Variants in AMD1 observed in about 807,000 individuals in gnomAD.
The protein encoded by AMD1 is adenosylmethionine decarboxylase 1.
A neutral mutation model predicts 40.2 loss-of-function variants in AMD1; 11 were observed. That is an observed-to-expected ratio of 0.27 (90% CI 0.17 to 0.45). The LOEUF (loss-of-function observed/expected upper bound fraction) is 0.45, where lower values mean the gene tolerates loss of function less well. AMD1 is among the 20% of genes least tolerant of loss of function. The pLI, the probability that AMD1 is intolerant of heterozygous loss-of-function variation, is 1.00. For synonymous variants in AMD1, 121 were observed against 130.8 expected (o/e 0.93, Z 0.51); for missense variants, 257 against 410.2 (o/e 0.63, Z 3.23).
the AMD1 span, among the ~76,000 whole-genome samples, chr6:110,843,965 T>A: frequency 6.6e-6 from 1 of 152,214 alleles, no homozygotes; most frequent in Non-Finnish European, 1.5e-5. Context: ...TAAAATCAGC[T>A]GATTAGCATT....
At chr6:110,844,830 C>G in the AMD1 span, among the ~76,000 whole-genome samples, 1 of 151,742 alleles carries the variant, frequency 6.6e-6, no homozygotes, top group African/African-American at 2.4e-5. Context: ...ATACCTGAGG[C>G]TGGGTAATTT....
the AMD1 span, chr6:110,815,239 T>TCGCG: frequency 9.6e-6 from 11 of 1,148,834 alleles, no homozygotes; most frequent in African/African-American, 8.8e-5. Flanking sequence ...AACAGCCGCC[T>TCGCG]CTCGCGCGCG....
Position 110,875,146 on chromosome 6 carries a change from T to C in AMD1, c.41T>C (p.Leu14Pro). The C allele has an allele frequency of 6.2e-7, 1 of 1,613,580 alleles. No homozygotes were observed. ...AHFFEGTEKL[L>P]EVWFSRQQPD... ...TTTTTCGAAGGGACCGAGAAGCTGC[T>C]GGAGGTTTGGTTCTCCCGGCAGCAG... The change falls in exon 1 of 9, where the codon CTG (leucine) becomes CCG (proline). Residue 14 changes from leucine to proline, a missense_variant. This residue lies in a region of AMD1 where 57 missense variants were observed against 76.8 expected (regional missense o/e 0.74). Coordinates refer to ENST00000368885, the MANE Select transcript of AMD1 (RefSeq NM_001634.6).
chr6:110,873,004 C>T (rs1784945466), upstream of AMD1, among the ~76,000 whole-genome samples: 1 of 152,182 alleles, frequency 6.6e-6, no homozygotes, highest in Non-Finnish European at 1.5e-5. Flanking sequence ...AGAGTAACCA[C>T]ATTCTTTTAT....
At chr6:110,860,521 G>A in the AMD1 span, among the ~76,000 whole-genome samples, 1 of 151,740 alleles carries the variant, frequency 6.6e-6, no homozygotes, top group Non-Finnish European at 1.5e-5. Flanking sequence ...CACACATACT[G>A]GGCAAGGTGA....
In AMD1 at chr6:110,894,084, AC is replaced by A. The variant is rs1285700326; in HGVS notation, c.*469del. 15 of 153,720 alleles carry A rather than the reference AC, an allele frequency of 9.8e-5. No individual in the cohort carries two copies. The highest frequency in any genetic ancestry group is 3.4e-4 in the African/African-American group (14 of 41,460). The allele number at this position is 153,720 out of a possible 1,614,324, so 9.5% of individuals were successfully genotyped here. A position where few individuals can be genotyped will look rare whatever the true frequency, so the allele number is the denominator to read the frequency against. ...CATCCAGTTACCTCCACTTTCTAGA[AC>A]ATATTCTTTACTAATGTTATTGAAA... On this transcript the variant is annotated 3_prime_UTR_variant, in exon 9 of 9. Transcript: ENST00000368885.
chr6:110,821,312 A>G, the AMD1 span, among the ~76,000 whole-genome samples: 1 of 152,164 alleles, frequency 6.6e-6, no homozygotes, highest in African/African-American at 2.4e-5. Flanking sequence ...AAACACACTG[A>G]GACAAGCCGG....
At chr6:110,889,414 A>G (rs1785883062) in intron 3 of AMD1, 1 of 152,460 alleles carries the variant, frequency 6.6e-6, no homozygotes, top group Non-Finnish European at 1.5e-5. Flanking sequence ...CTAGGGTATA[A>G]TTTTCTGATT....
At chr6:110,890,084 C>T (rs1785928960) in intron 3 of AMD1, 170 bp from the exon 4 acceptor site, 1 of 528,216 alleles carries the variant, frequency 1.9e-6, no homozygotes, top group Non-Finnish European at 3.3e-6. Context: ...GATCCTCCTG[C>T]CTCCTAATAG....
the AMD1 span, among the ~76,000 whole-genome samples, chr6:110,816,487 A>G: frequency 3.8e-4 from 58 of 152,338 alleles, no homozygotes; most frequent in African/African-American, 1.3e-3. Flanking sequence ...TTAGCAAAAT[A>G]AATTAAGATC....
the AMD1 span, among the ~76,000 whole-genome samples, chr6:110,827,780 A>C: frequency 5.9e-5 from 9 of 151,886 alleles, no homozygotes; most frequent in South Asian, 2.1e-4. Context: ...AAAAAAAAAA[A>C]AACACTACGA....
rs1332286252 is a variant in AMD1, at chr6:110,892,750, G to C, written c.631G>C (p.Asp211His). The change falls in exon 7 of 9, where the codon GAC becomes CAC. Residue 211 changes from aspartate (D) to histidine (H), a missense_variant. This residue lies in a region of AMD1 where 192 missense variants were observed against 296.5 expected (regional missense o/e 0.65). Coordinates refer to ENST00000368885, the MANE Select transcript of AMD1 (RefSeq NM_001634.6). The stretch of plus-strand genomic sequence containing the variant: ...CCCCCCCCAGGAGAGTGGAATTCGT[G>C]ACCTGATACCAGGTTCTGTCATTGA... ...KDVTRESGIR[D>H]LIPGSVIDAT... 1 of 1,612,886 alleles carries C rather than the reference G, an allele frequency of 6.2e-7. No homozygotes were observed. The highest frequency in any genetic ancestry group is 8.5e-7 in the Non-Finnish European group (1 of 1,179,596).
chr6:110,857,650 T>TAC, the AMD1 span, among the ~76,000 whole-genome samples: 3 of 133,326 alleles, frequency 2.3e-5, no homozygotes, highest in Non-Finnish European at 3.3e-5. Context: ...TATATATATA[T>TAC]AGATGGTATA....
intron 3 of AMD1, chr6:110,889,546 T>A (rs539136021): frequency 6.6e-6 from 1 of 152,426 alleles, no homozygotes; most frequent in Admixed American, 6.5e-5. Context: ...CAGGTTCAAG[T>A]GATTCTCCTG....
chr6:110,849,157 A>G, the AMD1 span, among the ~76,000 whole-genome samples: 1 of 152,222 alleles, frequency 6.6e-6, no homozygotes, highest in Non-Finnish European at 1.5e-5. Context: ...TTTTATCTTG[A>G]GAACATGGTA....
the AMD1 span, among the ~76,000 whole-genome samples, chr6:110,868,776 C>T: frequency 6.6e-6 from 1 of 152,174 alleles, no homozygotes; most frequent in South Asian, 2.1e-4. Flanking sequence ...TAATTCAAGG[C>T]CAGGCGCGGT....
chr6:110,877,624 T>A (rs1394946733), intron 1 of AMD1, among the ~76,000 whole-genome samples: 1 of 152,244 alleles, frequency 6.6e-6, no homozygotes, highest in Non-Finnish European at 1.5e-5. Context: ...TGTTTCCTCA[T>A]CTGTAAAATG....
chr6:110,815,232 AGCCGCCTCTCGCGCGCGCGCGCGC>A, the AMD1 span: 1 of 1,120,852 alleles, frequency 8.9e-7, no homozygotes, highest in African/African-American at 1.8e-5. Flanking sequence ...CTTCTCCAAC[AGCCGCCTCTCGCGCGCGCGCGCGC>A]GCCGCCCGCC....
At chr6:110,828,983 A>AAG in the AMD1 span, among the ~76,000 whole-genome samples, 3 of 152,266 alleles carry the variant, frequency 2.0e-5, no homozygotes, top group East Asian at 5.8e-4. Context: ...CACCCTGGCC[A>AAG]ACATGGTGAA....
Sources: allele counts gnomAD v4.1 joint callset (sites outside exome capture counted in the v4.1 genomes callset), GRCh38; gene constraint gnomAD v4.1.1; regional missense constraint gnomAD v4.1.1; transcripts MANE v1.5; gene names NCBI Gene and HGNC (gene_info 2026-07-23, HGNC 2026-07-21).